Variants in PDLIM5 observed in about 807,000 individuals in gnomAD.
PDLIM5 encodes the protein PDZ and LIM domain 5, also known as PDZ and LIM domain protein 5.
A neutral mutation model predicts 64.2 loss-of-function variants in PDLIM5; 34 were observed. The ratio of observed to expected loss-of-function variants is 0.53; its 90% CI spans 0.40 to 0.71. The LOEUF (loss-of-function observed/expected upper bound fraction) is 0.71. Ranked by LOEUF, PDLIM5 falls within the 30% of genes least tolerant of loss-of-function variation. The pLI, the probability that PDLIM5 is intolerant of heterozygous loss-of-function variation, is 0.00. For missense variants in PDLIM5, 683 were observed against 733.6 expected, an observed-to-expected ratio of 0.93 and a Z score of 0.80; for synonymous variants, 253 against 269.1, an observed-to-expected ratio of 0.94 and a Z score of 0.59.
chr4:94,602,629 T>A (rs1291878743), intron 7 of PDLIM5, among the ~76,000 whole-genome samples: 1 of 151,938 alleles, frequency 6.6e-6, no homozygotes, highest in Admixed American at 6.6e-5. Context: ...ATTTTTATAT[T>A]TTTTTTAGTA....
At chr4:94,592,842 C>G (rs977233237) in intron 7 of PDLIM5, among the ~76,000 whole-genome samples, 5 of 152,120 alleles carry the variant, frequency 3.3e-5, no homozygotes, top group Non-Finnish European at 7.4e-5. Context: ...TGGTCTCGAA[C>G]TCTTGGCAAT....
intron 5 of PDLIM5, 134 bp from the exon 6 acceptor site, chr4:94,585,431 T>A (rs1736102193): frequency 3.4e-6 from 2 of 591,796 alleles, no homozygotes; most frequent in African/African-American, 1.9e-5. Flanking sequence ...CCGAATATAC[T>A]TGCAAAGCAA....
rs1373078191 is a variant in PDLIM5, at chr4:94,664,812, G to A, written c.*745G>A. On this transcript the variant is annotated 3_prime_UTR_variant, in exon 13 of 13. Coordinates refer to ENST00000317968, the MANE Select transcript of PDLIM5 (RefSeq NM_006457.5). The stretch of plus-strand genomic sequence containing the variant: ...TTGAACCCGGGAGGGAGAGGTTGCA[G>A]TGAGCCAAGATCGTACCACTGCACT... 8.4e-6 allele frequency: 3 copies of A among 355,508 alleles called. No individual in the cohort carries two copies. Among genetic ancestry groups the A allele is most frequent in the East Asian group, 3.3e-4 (2 of 6,038 alleles). 22.0% of individuals were successfully genotyped at this position (355,508 alleles called of 1,614,324 possible). A position where few individuals can be genotyped will look rare whatever the true frequency, so the allele number is the denominator to read the frequency against.
intron 9 of PDLIM5, among the ~76,000 whole-genome samples, chr4:94,647,427 A>G (rs1445583948): frequency 6.6e-6 from 1 of 152,168 alleles, no homozygotes; most frequent in East Asian, 1.9e-4. Flanking sequence ...ATAATGATAA[A>G]AAGCTCAATC....
chr4:94,599,055 G>T (rs906630711), intron 7 of PDLIM5, among the ~76,000 whole-genome samples: 4 of 152,142 alleles, frequency 2.6e-5, no homozygotes, highest in Admixed American at 6.6e-5. Context: ...TGACTGCCTT[G>T]TAGGTTGTGT....
intron 2 of PDLIM5, chr4:94,457,057 T>C: frequency 1.1e-6 from 1 of 878,692 alleles, no homozygotes; most frequent in Non-Finnish European, 1.4e-6. Flanking sequence ...GTTAATAATA[T>C]ATGTGTATGT....
chr4:94,527,725 T>C (rs1730501188), intron 3 of PDLIM5, among the ~76,000 whole-genome samples: 1 of 152,248 alleles, frequency 6.6e-6, no homozygotes, highest in Non-Finnish European at 1.5e-5. Context: ...AAAATTGCAC[T>C]ACAGAGTGAG....
intron 2 of PDLIM5, among the ~76,000 whole-genome samples, chr4:94,512,278 C>G (rs1347645595): frequency 6.6e-6 from 1 of 152,086 alleles, no homozygotes; most frequent in Non-Finnish European, 1.5e-5. Context: ...CTCAGCCTCC[C>G]AAAGTTCTGG....
At chr4:94,455,564 G>C in intron 2 of PDLIM5, 180 bp downstream of exon 2, 1 of 635,238 alleles carries the variant, frequency 1.6e-6, no homozygotes. Context: ...AAGGATAACT[G>C]ACTTCAATTT....
intron 2 of PDLIM5, chr4:94,456,950 T>C: frequency 1.0e-6 from 1 of 991,920 alleles, no homozygotes; most frequent in Middle Eastern, 5.2e-4. Context: ...GAGCTGGCTT[T>C]CCAACAGTTA....
intron 3 of PDLIM5, among the ~76,000 whole-genome samples, chr4:94,564,656 CTT>C (rs768721210): frequency 0.021 from 2,183 of 104,510 alleles, 76 homozygotes; most frequent in African/African-American, 0.089. Flanking sequence ...AATTTTGTCT[CTT>C]TTTTTTTTTT....
chr4:94,550,512 A>G (rs1359344539), intron 3 of PDLIM5, among the ~76,000 whole-genome samples: 1 of 152,216 alleles, frequency 6.6e-6, no homozygotes, highest in Admixed American at 6.5e-5. Flanking sequence ...GCTAGAGCTT[A>G]TCATTACTTC....
intron 7 of PDLIM5, among the ~76,000 whole-genome samples, chr4:94,613,294 A>G (rs1328117607): frequency 6.6e-6 from 1 of 152,212 alleles, no homozygotes; most frequent in Non-Finnish European, 1.5e-5. Flanking sequence ...AAATTTAAAC[A>G]TGTAATTAGA....
chr4:94,544,141 T>G (rs1732100272), intron 3 of PDLIM5, among the ~76,000 whole-genome samples: 1 of 152,144 alleles, frequency 6.6e-6, no homozygotes, highest in African/African-American at 2.4e-5. Context: ...GCCTCCTTGG[T>G]CAGCTTGTCT....
At chr4:94,582,843 T>TAATGAGAAAATTA in intron 5 of PDLIM5, 1 of 728,870 alleles carries the variant, frequency 1.4e-6, no homozygotes, top group Non-Finnish European at 2.3e-6. Flanking sequence ...ATAAGAATTT[T>TAATGAGAAAATTA]CAAAAATGTT....
At chr4:94,499,508 G>A (rs1845176) in intron 2 of PDLIM5, among the ~76,000 whole-genome samples, 88,186 of 152,046 alleles carry the variant, frequency 0.58, 28,022 homozygotes, top group African/African-American at 0.86. Flanking sequence ...ACAAAGAAAA[G>A]AACCTAATAC....
rs555734133 is a variant in PDLIM5 at position 94,481,233 on chromosome 4, A to G, written c.96+25849A>G. Among the ~76,000 whole-genome samples, 37 of 151,500 alleles carry G rather than the reference A, an allele frequency of 2.4e-4. 1 individual carries two copies. The East Asian group carries it at 4.3e-3, about 17-fold the overall frequency. On this transcript the variant is annotated intron_variant, in intron 2 of 12. Coordinates refer to ENST00000317968, the MANE Select transcript of PDLIM5 (RefSeq NM_006457.5). ...TTTCAAACTCTGGAATTCATCTGGAATTAATTTTTGTGTGGGGTTGCTGCA... is the reference window on the plus strand; with the variant it reads ...TTTCAAACTCTGGAATTCATCTGGAGTTAATTTTTGTGTGGGGTTGCTGCA...
intron 2 of PDLIM5, among the ~76,000 whole-genome samples, chr4:94,472,652 T>C (rs1427576444): frequency 6.6e-6 from 1 of 152,186 alleles, no homozygotes; most frequent in Non-Finnish European, 1.5e-5. Context: ...CCTGCATCCC[T>C]GGTGGTGGCC....
At chr4:94,482,857 C>G (rs779190399) in intron 2 of PDLIM5, among the ~76,000 whole-genome samples, 1 of 151,636 alleles carries the variant, frequency 6.6e-6, no homozygotes, top group South Asian at 2.1e-4. Flanking sequence ...CCACTGCACT[C>G]GAGCCTGGGT....
Sources: allele counts gnomAD v4.1 joint callset (sites outside exome capture counted in the v4.1 genomes callset), GRCh38; gene constraint gnomAD v4.1.1; transcripts MANE v1.5; gene names NCBI Gene and HGNC (gene_info 2026-07-23, HGNC 2026-07-21).